Variants in PPARD observed in about 807,000 individuals in gnomAD.
PPARD encodes peroxisome proliferator-activated receptor delta.
PPARD carries 6 observed loss-of-function variants against 39.5 expected under a neutral mutation model. That is an observed-to-expected ratio of 0.15 (90% CI 0.08 to 0.30). PPARD has a LOEUF of 0.30. Ranked by LOEUF, PPARD falls within the 10% of genes least tolerant of loss-of-function variation. The pLI, the probability that PPARD is intolerant of heterozygous loss-of-function variation, is 1.00. For synonymous variants in PPARD, 210 were observed against 231.3 expected, an observed-to-expected ratio of 0.91 and a Z score of 0.83; for missense variants, 397 against 596.8, an observed-to-expected ratio of 0.67 and a Z score of 3.49.
intron 3 of PPARD, among the ~76,000 whole-genome samples, chr6:35,411,622 C>T (rs745812129): frequency 2.0e-5 from 3 of 152,110 alleles, no homozygotes; most frequent in Non-Finnish European, 2.9e-5. Flanking sequence ...TATGATCAGT[C>T]GAAACACACA....
intron 2 of PPARD, among the ~76,000 whole-genome samples, chr6:35,397,187 C>A (rs561541251): frequency 6.6e-6 from 1 of 150,836 alleles, no homozygotes; most frequent in East Asian, 1.9e-4. Context: ...TCCCCACCCC[C>A]ACCCTGGGTC....
At chr6:35,344,280 C>G (rs1027487385) in intron 1 of PPARD, among the ~76,000 whole-genome samples, 1 of 152,006 alleles carries the variant, frequency 6.6e-6, no homozygotes, top group Non-Finnish European at 1.5e-5. Context: ...ACGGCAATCC[C>G]AGAGCTCTGT....
chr6:35,403,189 C>T (rs1347358166), intron 2 of PPARD, among the ~76,000 whole-genome samples: 2 of 152,236 alleles, frequency 1.3e-5, no homozygotes, highest in Non-Finnish European at 2.9e-5. Context: ...ATTTCTAGGA[C>T]TGGAATATCA....
chr6:35,365,497 T>C (rs946525691), intron 2 of PPARD, among the ~76,000 whole-genome samples: 1 of 125,086 alleles, frequency 8.0e-6, no homozygotes, highest in Non-Finnish European at 1.5e-5. Flanking sequence ...GCCAGTCTCT[T>C]CTTTTTTTTT....
chr6:35,413,192 G>A (rs1370974860), intron 3 of PPARD, among the ~76,000 whole-genome samples: 1 of 152,212 alleles, frequency 6.6e-6, no homozygotes, highest in Non-Finnish European at 1.5e-5. Context: ...CAGGTGAGGT[G>A]CCTGGGAGCA....
chr6:35,406,985 A>AG (rs1765094988), intron 2 of PPARD, among the ~76,000 whole-genome samples: 3 of 152,074 alleles, frequency 2.0e-5, no homozygotes, highest in African/African-American at 7.2e-5. Flanking sequence ...GTCATCTGCA[A>AG]GGGGGGCCTA....
chr6:35,417,324 G>A (rs1408604045), intron 3 of PPARD, among the ~76,000 whole-genome samples: 1 of 151,622 alleles, frequency 6.6e-6, no homozygotes, highest in Non-Finnish European at 1.5e-5. Context: ...TTTAAGTAGA[G>A]ACAGTCTTGC....
At chr6:35,369,907 G>C (rs1418838304) in intron 2 of PPARD, among the ~76,000 whole-genome samples, 2 of 152,124 alleles carry the variant, frequency 1.3e-5, no homozygotes, top group Admixed American at 6.6e-5. Flanking sequence ...ATAGTTCCTG[G>C]CACTTGGTAG....
intron 1 of PPARD, among the ~76,000 whole-genome samples, chr6:35,345,157 C>T (rs77478618): frequency 0.01 from 1,537 of 152,290 alleles, 7 homozygotes; most frequent in Middle Eastern, 0.017. Context: ...AGCTTGGGCA[C>T]CAGCAGCCCT....
chr6:35,425,815 GCCC>G lies in PPARD; in HGVS notation c.1079-16_1079-14del. On this transcript the variant is annotated splice_polypyrimidine_tract_variant and intron_variant, in intron 7 of 7. Coordinates refer to ENST00000360694, the MANE Select transcript of PPARD (RefSeq NM_006238.5). This position sits in a 1 kb window ranked among gnomAD's most constrained non-coding sequence, Gnocchi z 4.5. ...ACTGCCTTTCTGAGCTCCCTGGCGT[GCCC>G]TGTGTCCCCACAGACCGGCCAGGCC... 1 of 1,612,700 alleles carries G rather than the reference GCCC, an allele frequency of 6.2e-7. No homozygotes were observed. Among genetic ancestry groups the G allele is most frequent in the Non-Finnish European group, 8.5e-7 (1 of 1,179,396 alleles).
At chr6:35,380,077 A>T (rs1280133800) in intron 2 of PPARD, among the ~76,000 whole-genome samples, 2 of 152,182 alleles carry the variant, frequency 1.3e-5, no homozygotes, top group Non-Finnish European at 1.5e-5. Context: ...AATGTCTGGG[A>T]GTGTGACTTG....
Position 35,380,755 on chromosome 6 carries a change from A to T in PPARD, c.-101-30232A>T, listed in dbSNP as rs141174655. Among the ~76,000 whole-genome samples, 1,431 of 152,052 alleles carry T rather than the reference A, an allele frequency of 9.4e-3. 10 individuals carry two copies. Among genetic ancestry groups the T allele is most frequent in the African/African-American group, 0.032 (1,320 of 41,486 alleles). On this transcript the variant is annotated intron_variant, in intron 2 of 7. Coordinates refer to ENST00000360694, the MANE Select transcript of PPARD (RefSeq NM_006238.5). ...GTGATCCTCCTGCCCTGGCCTCCCA[A>T]AGTGCTGGGATTACAGGAGTGAGCC...
intron 2 of PPARD, among the ~76,000 whole-genome samples, chr6:35,390,221 G>T (rs1562199565): frequency 6.6e-6 from 1 of 152,184 alleles, no homozygotes; most frequent in African/African-American, 2.4e-5. Context: ...TCCCAAGTTG[G>T]AATATTTCTT....
intron 2 of PPARD, among the ~76,000 whole-genome samples, chr6:35,394,236 C>T (rs748028928): frequency 2.0e-5 from 3 of 152,156 alleles, no homozygotes; most frequent in Non-Finnish European, 4.4e-5. Flanking sequence ...ATGCGCAGCT[C>T]GGCCACTTCC....
chr6:35,406,815 G>A (rs938764043), intron 2 of PPARD, among the ~76,000 whole-genome samples: 2 of 152,234 alleles, frequency 1.3e-5, no homozygotes, highest in African/African-American at 4.8e-5. Context: ...ATATGTGGGA[G>A]TGGGAGCTGA....
In PPARD at chr6:35,354,707, T is replaced by C. The variant is rs143990747; in HGVS notation, c.-102+7557T>C. On this transcript the variant is annotated intron_variant, in intron 2 of 7. Transcript: ENST00000360694. ...TTAGATGATGTTGCCCGTAGGCTCA[T>C]GGAAATGTTCTGGCACATTTGCAGT... Among the ~76,000 whole-genome samples, 864 of 152,326 alleles carry C rather than the reference T, an allele frequency of 5.7e-3. 3 individuals carry two copies. The highest frequency in any genetic ancestry group is 0.016 in the African/African-American group (684 of 41,568).
In PPARD at chr6:35,387,716, C is replaced by CTTTTTT. The variant is rs61314141; in HGVS notation, c.-101-23253_-101-23248dup. On this transcript the variant is annotated intron_variant, in intron 2 of 7. Transcript: ENST00000360694. Reference sequence around the variant, plus strand: ...TCAGCATATACAGATACACTGCATTCTTTTTTTTTTTTTTTTTTTTTTTGA... The same window carrying CTTTTTT: ...TCAGCATATACAGATACACTGCATTCTTTTTTTTTTTTTTTTTTTTTTTTTTTTTGA... Among the ~76,000 whole-genome samples the CTTTTTT allele has an allele frequency of 1.4e-3, 123 of 89,292 alleles. 1 individual carries two copies. Among genetic ancestry groups the CTTTTTT allele is most frequent in the African/African-American group, 2.5e-3 (49 of 19,900 alleles). The allele number at this position is 89,292 out of a possible 152,430, so 58.6% of individuals were successfully genotyped here. A position where few individuals can be genotyped will look rare whatever the true frequency, so the allele number is the denominator to read the frequency against.
intron 2 of PPARD, among the ~76,000 whole-genome samples, chr6:35,369,041 A>G (rs1450732621): frequency 2.6e-5 from 4 of 152,190 alleles, no homozygotes; most frequent in Non-Finnish European, 5.9e-5. Flanking sequence ...GGACATACTT[A>G]AGGTACACTT....
At chr6:35,352,981 C>T (rs1364311935) in intron 2 of PPARD, among the ~76,000 whole-genome samples, 3 of 152,252 alleles carry the variant, frequency 2.0e-5, no homozygotes, top group South Asian at 4.1e-4. Context: ...TACTAAGAGG[C>T]GTGATTCACT....
Sources: allele counts gnomAD v4.1 joint callset (sites outside exome capture counted in the v4.1 genomes callset), GRCh38; gene constraint gnomAD v4.1.1; non-coding constraint Gnocchi (gnomAD v3.1); transcripts MANE v1.5; gene names NCBI Gene and HGNC (gene_info 2026-07-23, HGNC 2026-07-21).